The following WDR1 variants were observed in gnomAD, a reference collection of about 807,000 sequenced individuals.
WDR1 encodes WD repeat-containing protein 1.
Under a neutral mutation model 71.9 loss-of-function variants are expected in WDR1, and 21 were observed. That is an observed-to-expected ratio of 0.29 (90% CI 0.21 to 0.42). The LOEUF is 0.42. WDR1 is among the 10% of genes least tolerant of loss of function. The probability of loss-of-function intolerance (pLI) is 1.00; values close to 1 mark genes in which losing one functional copy is unlikely to be tolerated. For synonymous variants in WDR1, 424 were observed against 347.4 expected (o/e 1.22, Z -2.45); for missense variants, 696 against 824.5 (o/e 0.84, Z 1.91).
At chr4:10,099,171 A>AGGC (rs771723349) in intron 3 of WDR1, 32 bp from the exon 4 acceptor site, 2 of 109,758 alleles carry the variant, frequency 1.8e-5, no homozygotes, top group South Asian at 6.1e-5. Flanking sequence ...GGAGGGGGGG[A>AGGC]GGCGGTGGTG....
At chr4:10,077,969 C>T (rs1431987207) in intron 12 of WDR1, 43 bp from the exon 13 acceptor site, 1 of 1,541,656 alleles carries the variant, frequency 6.5e-7, no homozygotes, top group Non-Finnish European at 8.8e-7. Flanking sequence ...CCTGAACACA[C>T]ACACCACACC....
chr4:10,096,702 C>T (rs772463814), intron 5 of WDR1: 3 of 152,238 alleles, frequency 2.0e-5, no homozygotes, highest in Non-Finnish European at 4.4e-5. Flanking sequence ...GGCATGATGT[C>T]ACTAAAATGG....
At chr4:10,084,037 G>GT (rs1244905259) in intron 9 of WDR1, among the ~76,000 whole-genome samples, 2 of 152,204 alleles carry the variant, frequency 1.3e-5, no homozygotes, top group Non-Finnish European at 2.9e-5. Context: ...GGGACCCAAC[G>GT]TAAGGGTGTC....
chr4:10,114,053 A>C (rs533277238), intron 2 of WDR1, among the ~76,000 whole-genome samples: 8 of 152,130 alleles, frequency 5.3e-5, no homozygotes, highest in African/African-American at 1.9e-4. Context: ...TTTTTTTTCC[A>C]AGAGTACTTT....
intron 9 of WDR1, 100 bp downstream of exon 9, chr4:10,084,343 C>T (rs1765127104): frequency 9.1e-7 from 1 of 1,098,830 alleles, no homozygotes; most frequent in African/African-American, 1.6e-5. Flanking sequence ...GTGGCTGCAG[C>T]TGGAGCCACC....
In WDR1 at chr4:10,088,348, C is replaced by A. The variant is rs749848533; in HGVS notation, c.662G>T (p.Gly221Val). The change falls in exon 7 of 15, where the codon GGG becomes GTG. Residue 221 changes from glycine to valine, a missense_variant. By Grantham distance (109) the Gly-to-Val change is moderately radical. Coordinates refer to ENST00000499869, the MANE Select transcript of WDR1 (RefSeq NM_017491.5). ...GQIYIYDGKT[G>V]EKVCALGGSK... Reference sequence around the variant, plus strand: ...TCCGCCCAGCGCGCACACCTTCTCCCCAGTCTTCCCGTCATAGATGTATAT... The same window carrying A: ...TCCGCCCAGCGCGCACACCTTCTCCACAGTCTTCCCGTCATAGATGTATAT... 1 of 1,559,200 alleles carries A rather than the reference C, an allele frequency of 6.4e-7. No homozygotes were observed. The highest frequency in any genetic ancestry group is 2.4e-5 in the East Asian group (1 of 41,464).
rs544112667 is a variant in WDR1, at chr4:10,097,571, C to T, written c.558+140G>A. 4.1e-5 allele frequency: 42 copies of T among 1,034,770 alleles called. No homozygotes were observed. The African/African-American group carries it at 5.9e-4, about 15-fold the overall frequency. The allele number at this position is 1,034,770 out of a possible 1,614,324, so 64.1% of individuals were successfully genotyped here. ...TGGGGGAGCCCTCCCTCTCTCTGCACACCCCTGGGAGCCCACTTCTGTGTA... is the reference window on the plus strand; with the variant it reads ...TGGGGGAGCCCTCCCTCTCTCTGCATACCCCTGGGAGCCCACTTCTGTGTA... On this transcript the variant is annotated intron_variant, in intron 5 of 14. Coordinates refer to ENST00000499869, the MANE Select transcript of WDR1 (RefSeq NM_017491.5).
intron 4 of WDR1, among the ~76,000 whole-genome samples, chr4:10,098,715 A>C (rs972704996): frequency 6.6e-6 from 1 of 152,226 alleles, no homozygotes; most frequent in Non-Finnish European, 1.5e-5. Context: ...TGCTGCCTGC[A>C]GGTGGGCATG....
At chr4:10,087,068 G>A (rs1711623170) in intron 8 of WDR1, among the ~76,000 whole-genome samples, 1 of 152,240 alleles carries the variant, frequency 6.6e-6, no homozygotes, top group South Asian at 2.1e-4. Flanking sequence ...ACCCTTCCGG[G>A]TTAGGGTTCA....
At chr4:10,090,781 G>T (rs1302497799) in intron 5 of WDR1, among the ~76,000 whole-genome samples, 1 of 152,250 alleles carries the variant, frequency 6.6e-6, no homozygotes, top group Non-Finnish European at 1.5e-5. Context: ...GACAAGGGGA[G>T]TCCCAGTGCT....
At position 10,116,718 on chromosome 4, in the gene WDR1, C is replaced by A; in HGVS notation, c.-52G>T. ...CTCGCCGAGAGCCTCCGGGGCCGGCCCGCGCTGCGAATTACACCTCGCCGA... is the reference window on the plus strand; with the variant it reads ...CTCGCCGAGAGCCTCCGGGGCCGGCACGCGCTGCGAATTACACCTCGCCGA... On this transcript the variant is annotated 5_prime_UTR_variant, in exon 1 of 15. Coordinates refer to ENST00000499869, the MANE Select transcript of WDR1 (RefSeq NM_017491.5). 2.3e-6 allele frequency: 3 copies of A among 1,316,148 alleles called. No individual in the cohort carries two copies. Among genetic ancestry groups the A allele is most frequent in the Non-Finnish European group, 2.9e-6 (3 of 1,030,248 alleles). The allele number at this position is 1,316,148 out of a possible 1,614,324, so 81.5% of individuals were successfully genotyped here.
At chr4:10,086,120 T>C (rs1218827150) in intron 8 of WDR1, among the ~76,000 whole-genome samples, 1 of 152,086 alleles carries the variant, frequency 6.6e-6, no homozygotes, top group Non-Finnish European at 1.5e-5. Flanking sequence ...TGGGAAACTG[T>C]TTTTCTGGGC....
At chr4:10,113,003 G>A (rs182360360) in intron 2 of WDR1, among the ~76,000 whole-genome samples, 1 of 152,330 alleles carries the variant, frequency 6.6e-6, no homozygotes, top group East Asian at 1.9e-4. Context: ...AGAAGGCCGG[G>A]GATGGAAAAT....
At chr4:10,105,906 C>G (rs1009017919) in intron 2 of WDR1, among the ~76,000 whole-genome samples, 2 of 152,214 alleles carry the variant, frequency 1.3e-5, no homozygotes, top group African/African-American at 4.8e-5. Context: ...AAACAGGCAA[C>G]ACACCGCACT....
At chr4:10,093,031 G>T in intron 5 of WDR1, 3 of 1,282,784 alleles carry the variant, frequency 2.3e-6, no homozygotes, top group Non-Finnish European at 3.1e-6. Flanking sequence ...CCACCAATAT[G>T]CTCCCTCTCA....
At chr4:10,088,453 G>A (rs1160126667) in intron 6 of WDR1, 80 bp from the exon 7 acceptor site, 5 of 1,408,442 alleles carry the variant, frequency 3.6e-6, no homozygotes, top group Middle Eastern at 3.5e-4. Context: ...GACTGTGGCT[G>A]TAGAAAACCG....
intron 2 of WDR1, among the ~76,000 whole-genome samples, chr4:10,115,070 C>G (rs1448907956): frequency 6.6e-6 from 1 of 152,248 alleles, no homozygotes; most frequent in Non-Finnish European, 1.5e-5. Flanking sequence ...CAAGGGAAAT[C>G]AGGCTGACTT....
chr4:10,081,389 C>A lies in WDR1; in HGVS notation c.1252G>T (p.Gly418Trp), dbSNP rs753036384. The change falls in exon 11 of 15, where the codon GGG (glycine) becomes TGG (tryptophan). Residue 418 changes from glycine to tryptophan, a missense_variant. Coordinates refer to ENST00000499869, the MANE Select transcript of WDR1 (RefSeq NM_017491.5). ...ATGCACACGACCACGGCGTATCCCC[C>A]GGGGCCGACGGCTACGCACTTTGGC... Reference protein sequence around the residue: ...VQPKCVAVGPGGYAVVVCIGQ... With the variant: ...VQPKCVAVGPWGYAVVVCIGQ... 1 of 1,613,802 alleles carries A rather than the reference C, an allele frequency of 6.2e-7. No homozygotes were observed. Among genetic ancestry groups the A allele is most frequent in the Non-Finnish European group, 8.5e-7 (1 of 1,179,888 alleles).
intron 5 of WDR1, among the ~76,000 whole-genome samples, chr4:10,095,180 A>G (rs373088393): frequency 3.6e-4 from 55 of 152,366 alleles, no homozygotes; most frequent in Middle Eastern, 6.8e-3. Flanking sequence ...CCAAGGCCTG[A>G]GCGCTGGTGC....
Sources: gnomAD v4.1 joint callset for allele counts (sites outside exome capture counted in the v4.1 genomes callset) on GRCh38, gnomAD v4.1.1 for gene constraint, MANE v1.5 for transcripts, NCBI Gene and HGNC (gene_info 2026-07-23, HGNC 2026-07-21) for gene names.